The following PRKN variants were observed in gnomAD, a reference collection of about 807,000 sequenced individuals.
PRKN encodes parkin RBR E3 ubiquitin protein ligase.
In PRKN, 56 loss-of-function variants were observed where a neutral mutation model predicts 59.5. The observed-to-expected ratio is 0.94, with a 90% CI of 0.76 to 1.18. The LOEUF is 1.18. Among genes scored for constraint, PRKN ranks in the 50% most tolerant of loss-of-function variants. The pLI, the probability that PRKN is intolerant of heterozygous loss-of-function variation, is 0.00. For missense variants in PRKN, 657 were observed against 596.4 expected, an observed-to-expected ratio of 1.10 and a Z score of -1.06; for synonymous variants, 250 against 222.1, an observed-to-expected ratio of 1.13 and a Z score of -1.12.
intron 2 of PRKN, among the ~76,000 whole-genome samples, chr6:162,340,443 G>T (rs549743420): frequency 4.6e-5 from 7 of 152,292 alleles, no homozygotes; most frequent in Admixed American, 3.3e-4. Context: ...CCAATGTCTA[G>T]ACATTTCCCT....
intron 1 of PRKN, among the ~76,000 whole-genome samples, chr6:162,609,413 T>C (rs1022405489): frequency 1.3e-5 from 2 of 152,244 alleles, no homozygotes; most frequent in African/African-American, 4.8e-5. Context: ...AGCAACTTCA[T>C]ATAGTTTATA....
At position 162,021,461 on chromosome 6, in the gene PRKN, A is replaced by ATAT. The variant is rs59250759; in HGVS notation, c.618+32629_618+32630insATA. 9.8e-3 allele frequency among the ~76,000 whole-genome samples: 242 copies of ATAT among 24,646 alleles called. 1 individual carries two copies. Among genetic ancestry groups the ATAT allele is most frequent in the African/African-American group, 0.016 (175 of 10,924 alleles). 16.2% of individuals were successfully genotyped at this position (24,646 alleles called of 152,430 possible). Reference sequence around the variant, plus strand: ...GGAATATATATATATATATATATATATTTTTTTTTTTTTTTTCCTTAAGCT... The same window carrying ATAT: ...GGAATATATATATATATATATATATATATTTTTTTTTTTTTTTTTCCTTAAGCT... On this transcript the variant is annotated intron_variant, in intron 5 of 11. Transcript: ENST00000366898.
In PRKN at chr6:162,123,789, G is replaced by T. The variant is rs961985291; in HGVS notation, c.535-69615C>A. Among the ~76,000 whole-genome samples, 4 of 152,274 alleles carry T rather than the reference G, an allele frequency of 2.6e-5. No homozygotes were observed. In the East Asian group the frequency reaches 5.8e-4, roughly 22 times the overall value. On this transcript the variant is annotated intron_variant, in intron 4 of 11. Transcript: ENST00000366898. ...GATATGGTCAGTGTGGACCCAAAGG[G>T]TTGGTCAATATGAATTACTTAACTA...
chr6:162,141,094 C>G (rs923524822), intron 4 of PRKN, among the ~76,000 whole-genome samples: 1 of 151,974 alleles, frequency 6.6e-6, no homozygotes, highest in Non-Finnish European at 1.5e-5. Flanking sequence ...CGCGCCACTG[C>G]ACTCCAGCCT....
rs138327127 is a variant in PRKN, at chr6:161,776,109, C to T, written c.871+9663G>A. 4.4e-4 allele frequency among the ~76,000 whole-genome samples: 67 copies of T among 152,306 alleles called. No individual in the cohort carries two copies. In the South Asian group the frequency reaches 0.011, roughly 25 times the overall value. ...CCCTAGAGCAACAGAAAAATCTGTG[C>T]TACCAGGGCTTATAAAGGACAAGAA... On this transcript the variant is annotated intron_variant, in intron 7 of 11. Coordinates refer to ENST00000366898, the MANE Select transcript of PRKN (RefSeq NM_004562.3).
At position 162,019,531 on chromosome 6, in the gene PRKN, G is replaced by A. The variant is rs546755546; in HGVS notation, c.618+34560C>T. On this transcript the variant is annotated intron_variant, in intron 5 of 11. Transcript: ENST00000366898. Reference sequence around the variant, plus strand: ...ATACTGCAATAACTTCCCCTGGAACGCTTATGGCTTATTGCGCTGATGTGT... The same window carrying A: ...ATACTGCAATAACTTCCCCTGGAACACTTATGGCTTATTGCGCTGATGTGT... Among the ~76,000 whole-genome samples the A allele has an allele frequency of 3.7e-4, 57 of 152,128 alleles. 1 individual carries two copies. Among genetic ancestry groups the A allele is most frequent in the Non-Finnish European group, 7.2e-4 (49 of 68,026 alleles).
At chr6:161,481,248 C>T (rs1328289145) in intron 9 of PRKN, among the ~76,000 whole-genome samples, 1 of 152,120 alleles carries the variant, frequency 6.6e-6, no homozygotes, top group Non-Finnish European at 1.5e-5. Flanking sequence ...ATCAACTCTC[C>T]CACCCAACAT....
chr6:162,056,735 A>G lies in PRKN; in HGVS notation c.535-2561T>C, dbSNP rs540019784. Among the ~76,000 whole-genome samples, 1 of 152,162 alleles carries G rather than the reference A, an allele frequency of 6.6e-6. No individual in the cohort carries two copies. Among genetic ancestry groups the G allele is most frequent in the African/African-American group, 2.4e-5 (1 of 41,442 alleles). On this transcript the variant is annotated intron_variant, in intron 4 of 11. Coordinates refer to ENST00000366898, the MANE Select transcript of PRKN (RefSeq NM_004562.3). This position sits in a 1 kb window ranked among gnomAD's most constrained non-coding sequence, Gnocchi z 4.9. ...CTGTCTGCACAAACCATGGCTATGCACAACATCTTCTCACCCTCGGCAAGG... is the reference window on the plus strand; with the variant it reads ...CTGTCTGCACAAACCATGGCTATGCGCAACATCTTCTCACCCTCGGCAAGG...
rs571467396 is a variant in PRKN at position 161,575,713 on chromosome 6, A to G, written c.872-6297T>C. Among the ~76,000 whole-genome samples, 15 of 152,350 alleles carry G rather than the reference A, an allele frequency of 9.8e-5. No individual in the cohort carries two copies. The highest frequency in any genetic ancestry group is 1.6e-4 in the Non-Finnish European group (11 of 68,038). On this transcript the variant is annotated intron_variant, in intron 7 of 11. Coordinates refer to ENST00000366898, the MANE Select transcript of PRKN (RefSeq NM_004562.3). This position sits in a 1 kb window ranked among gnomAD's most constrained non-coding sequence, Gnocchi z 4.6. ...CTGATGTGCTCCTGGCACTGGTCAC[A>G]TGACACAAATAATCTGCAATTTGCA...
At chr6:161,895,257 TTC>T (rs1777567787) in intron 6 of PRKN, among the ~76,000 whole-genome samples, 1 of 152,196 alleles carries the variant, frequency 6.6e-6, no homozygotes, top group Non-Finnish European at 1.5e-5. Flanking sequence ...GCCAGGAAAT[TTC>T]TCTCTTTTCC....
At chr6:161,822,689 A>G (rs1318082964) in intron 6 of PRKN, among the ~76,000 whole-genome samples, 1 of 152,056 alleles carries the variant, frequency 6.6e-6, no homozygotes, top group Non-Finnish European at 1.5e-5. Context: ...AAAAAGACAA[A>G]TGTTTTGGAT....
intron 1 of PRKN, among the ~76,000 whole-genome samples, chr6:162,711,347 A>G (rs1778528643): frequency 1.3e-5 from 2 of 151,932 alleles, no homozygotes; most frequent in East Asian, 1.9e-4. Flanking sequence ...TGTCACTGAT[A>G]CAGATGCCTG....
Position 161,687,185 on chromosome 6 carries a change from G to A in PRKN, c.871+98587C>T, listed in dbSNP as rs142011202. Among the ~76,000 whole-genome samples, 248 of 151,778 alleles carry A rather than the reference G, an allele frequency of 1.6e-3. 4 individuals carry two copies. In the East Asian group the frequency reaches 0.032, roughly 19 times the overall value. On this transcript the variant is annotated intron_variant, in intron 7 of 11. Coordinates refer to ENST00000366898, the MANE Select transcript of PRKN (RefSeq NM_004562.3). Reference sequence around the variant, plus strand: ...GCAGACTGCCTGAGGTCAGGAGTTCGAGACTAGTCTGGCCAACATGGTGAA... The same window carrying A: ...GCAGACTGCCTGAGGTCAGGAGTTCAAGACTAGTCTGGCCAACATGGTGAA...
intron 1 of PRKN, among the ~76,000 whole-genome samples, chr6:162,576,191 C>CT (rs1203498106): frequency 6.6e-6 from 1 of 152,162 alleles, no homozygotes; most frequent in Admixed American, 6.6e-5. Context: ...TATGTTCTCT[C>CT]TCACCTATGT....
chr6:161,870,467 C>T (rs190017084), intron 6 of PRKN, among the ~76,000 whole-genome samples: 12 of 152,260 alleles, frequency 7.9e-5, no homozygotes, highest in Admixed American at 7.2e-4. Flanking sequence ...AAATCAAACA[C>T]ACCTTACATA....
At chr6:162,643,397 CA>C (rs59995115) in intron 1 of PRKN, among the ~76,000 whole-genome samples, 10 of 82,490 alleles carry the variant, frequency 1.2e-4, no homozygotes, top group Admixed American at 3.6e-4. Context: ...GACTCTGCCT[CA>C]AAAAAAAAAA....
At chr6:162,639,621 C>A (rs1379930355) in intron 1 of PRKN, among the ~76,000 whole-genome samples, 1 of 152,106 alleles carries the variant, frequency 6.6e-6, no homozygotes, top group East Asian at 1.9e-4. Context: ...TTTTACAACA[C>A]CCAAAGCAAC....
Position 161,545,180 on chromosome 6 carries a change from G to A in PRKN, c.1083+3674C>T. 1 of 1,348,154 alleles carries A rather than the reference G, an allele frequency of 7.4e-7. No homozygotes were observed. The highest frequency in any genetic ancestry group is 1.5e-5 in the African/African-American group (1 of 67,416). 83.5% of individuals were successfully genotyped at this position (1,348,154 alleles called of 1,614,324 possible). The stretch of plus-strand genomic sequence containing the variant: ...CTAACATTTCTTGCATACCCACATG[G>A]TAAGAGTTGTACTTTTTCTATCTTG... On this transcript the variant is annotated intron_variant, in intron 9 of 11. Coordinates refer to ENST00000366898, the MANE Select transcript of PRKN (RefSeq NM_004562.3). This position sits in a 1 kb window ranked among gnomAD's most constrained non-coding sequence, Gnocchi z 4.1.
intron 7 of PRKN, among the ~76,000 whole-genome samples, chr6:161,604,436 A>G (rs550263687): frequency 1.3e-5 from 2 of 152,312 alleles, no homozygotes; most frequent in East Asian, 3.9e-4. Flanking sequence ...ATGGGGGTGC[A>G]GAAGACAAAC....
Sources: gnomAD v4.1 joint callset for allele counts (sites outside exome capture counted in the v4.1 genomes callset) on GRCh38, gnomAD v4.1.1 for gene constraint, Gnocchi (gnomAD v3.1) non-coding constraint, MANE v1.5 for transcripts, NCBI Gene and HGNC (gene_info 2026-07-23, HGNC 2026-07-21) for gene names.